Variants in MCPH1 observed in about 807,000 individuals in gnomAD.
MCPH1 encodes the protein microcephalin 1.
MCPH1 carries 104 observed loss-of-function variants against 84.5 expected under a neutral mutation model. The observed-to-expected ratio is 1.23, with a 90% CI of 1.05 to 1.45. MCPH1 has a LOEUF of 1.45. MCPH1 is among the 40% of genes most tolerant of loss of function. MCPH1 has a pLI of 0.00. For missense variants in MCPH1, 1,498 were observed against 1,005.7 expected (o/e 1.49, Z -6.62); for synonymous variants, 514 against 366.8 (o/e 1.40, Z -4.58).
At chr8:6,606,932 C>T (rs1308914927) in intron 12 of MCPH1, among the ~76,000 whole-genome samples, 1 of 152,182 alleles carries the variant, frequency 6.6e-6, no homozygotes, top group East Asian at 1.9e-4. Flanking sequence ...AGTGTGAGGC[C>T]TCCCCAGCCA....
intron 12 of MCPH1, among the ~76,000 whole-genome samples, chr8:6,509,395 G>A (rs1435026706): frequency 6.6e-6 from 1 of 152,170 alleles, no homozygotes; most frequent in East Asian, 1.9e-4. Context: ...CCTCCTCCCA[G>A]GTCTCCAGTC....
chr8:6,414,182 A>G (rs961306568), intron 2 of MCPH1, among the ~76,000 whole-genome samples: 1 of 152,028 alleles, frequency 6.6e-6, no homozygotes, highest in Non-Finnish European at 1.5e-5. Context: ...TAATTTTTGT[A>G]TTTTTAGTAG....
chr8:6,447,322 G>A (rs1470190870), intron 8 of MCPH1: 4 of 985,198 alleles, frequency 4.1e-6, no homozygotes, highest in Non-Finnish European at 4.8e-6. Flanking sequence ...TATATCTGGT[G>A]AAATTATGGA....
At chr8:6,572,550 A>G (rs983513636) in intron 12 of MCPH1, among the ~76,000 whole-genome samples, 1 of 152,238 alleles carries the variant, frequency 6.6e-6, no homozygotes, top group Non-Finnish European at 1.5e-5. Context: ...TTTTAATGCA[A>G]AAGCACATCA....
chr8:6,422,227 C>A (rs932026823), intron 3 of MCPH1, among the ~76,000 whole-genome samples: 1 of 152,208 alleles, frequency 6.6e-6, no homozygotes, highest in Non-Finnish European at 1.5e-5. Context: ...TAACATTCAT[C>A]TGGCTCATAG....
intron 12 of MCPH1, chr8:6,513,705 T>G (rs370725967): frequency 3.7e-6 from 6 of 1,612,608 alleles, no homozygotes; most frequent in Non-Finnish European, 5.1e-6. Flanking sequence ...ACTTGAGAGA[T>G]AGAAATGTTC....
At chr8:6,639,156 G>A (rs749490189) in intron 13 of MCPH1, among the ~76,000 whole-genome samples, 31 of 152,172 alleles carry the variant, frequency 2.0e-4, no homozygotes, top group Non-Finnish European at 4.3e-4. Flanking sequence ...TACATGCGTG[G>A]AAGGGTGGAT....
At chr8:6,516,448 T>C (rs1266777823) in intron 12 of MCPH1, among the ~76,000 whole-genome samples, 2 of 152,212 alleles carry the variant, frequency 1.3e-5, no homozygotes, top group Non-Finnish European at 2.9e-5. Flanking sequence ...TTATGTTTTT[T>C]TTCCACTGAC....
chr8:6,521,085 G>T, intron 12 of MCPH1: 1 of 876,344 alleles, frequency 1.1e-6, no homozygotes, highest in Non-Finnish European at 1.8e-6. Context: ...GAGAAATAGC[G>T]CCTTTTCTGA....
At chr8:6,635,055 G>C (rs562591401) in intron 13 of MCPH1, 10 of 152,332 alleles carry the variant, frequency 6.6e-5, no homozygotes, top group Admixed American at 2.6e-4. Context: ...CAGTGATGAT[G>C]ATGAACCAGG....
chr8:6,637,550 C>G (rs1272424501), intron 13 of MCPH1, among the ~76,000 whole-genome samples: 3 of 152,186 alleles, frequency 2.0e-5, no homozygotes, highest in African/African-American at 7.2e-5. Context: ...GACACCTTAA[C>G]AGACAACAGC....
Position 6,409,371 on chromosome 8 carries a change from G to A in MCPH1, c.114+1G>A. 1 of 1,604,018 alleles carries A rather than the reference G, an allele frequency of 6.2e-7. No individual in the cohort carries two copies. Among genetic ancestry groups the A allele is most frequent in the Non-Finnish European group, 8.5e-7 (1 of 1,170,924 alleles). ...ACAGCTTGTGGATATGGGGGCAAAG[G>A]TAAGACACTTATTTTGCTGTTGATT... On this transcript the variant is annotated splice_donor_variant, in intron 2 of 13. Transcript: ENST00000344683. LOFTEE classifies it high-confidence loss of function.
At chr8:6,473,078 C>T (rs1037016734) in intron 9 of MCPH1, among the ~76,000 whole-genome samples, 1 of 151,986 alleles carries the variant, frequency 6.6e-6, no homozygotes, top group East Asian at 1.9e-4. Flanking sequence ...GAATCTAAGC[C>T]AATTATACAG....
intron 12 of MCPH1, chr8:6,514,730 G>A (rs752903054): frequency 5.6e-6 from 9 of 1,613,974 alleles, no homozygotes; most frequent in African/African-American, 2.7e-5. Context: ...TCCTCACGTC[G>A]CTGAATAATT....
At chr8:6,536,790 G>T (rs1156857035) in intron 12 of MCPH1, among the ~76,000 whole-genome samples, 1 of 152,094 alleles carries the variant, frequency 6.6e-6, no homozygotes, top group East Asian at 1.9e-4. Context: ...TGGATAGACA[G>T]ACCTTGAAAT....
At chr8:6,632,109 C>T (rs1165315192) in intron 13 of MCPH1, among the ~76,000 whole-genome samples, 1 of 152,156 alleles carries the variant, frequency 6.6e-6, no homozygotes, top group Non-Finnish European at 1.5e-5. Context: ...TACGACTACA[C>T]TTATAAGAGG....
intron 3 of MCPH1, among the ~76,000 whole-genome samples, chr8:6,424,227 G>C (rs575258355): frequency 6.6e-6 from 1 of 152,140 alleles, no homozygotes; most frequent in African/African-American, 2.4e-5. Flanking sequence ...TTGAAATAAA[G>C]GTCAGCTTGG....
At chr8:6,532,563 C>A in intron 12 of MCPH1, 1 of 939,440 alleles carries the variant, frequency 1.1e-6, no homozygotes. Flanking sequence ...TTGTCGTCTC[C>A]TCCCTATCTT....
intron 12 of MCPH1, among the ~76,000 whole-genome samples, chr8:6,552,216 C>G (rs1465495925): frequency 6.6e-6 from 1 of 152,216 alleles, no homozygotes; most frequent in African/African-American, 2.4e-5. Context: ...CTGCCTTCTT[C>G]TGCCATAGAA....
Sources: gnomAD v4.1 joint callset for allele counts (sites outside exome capture counted in the v4.1 genomes callset) on GRCh38, gnomAD v4.1.1 for gene constraint, MANE v1.5 for transcripts, NCBI Gene and HGNC (gene_info 2026-07-23, HGNC 2026-07-21) for gene names.